Variants in ARHGAP42 observed in about 807,000 individuals in gnomAD.
The protein encoded by ARHGAP42 is Rho GTPase activating protein 42, also known as rho GTPase-activating protein 42.
A neutral mutation model predicts 125.0 loss-of-function variants in ARHGAP42; 63 were observed. The observed-to-expected ratio is 0.50, with a 90% CI of 0.41 to 0.62. The LOEUF (loss-of-function observed/expected upper bound fraction) is 0.62. Among genes scored for constraint, ARHGAP42 ranks in the 20% least tolerant of loss-of-function variants. The probability of loss-of-function intolerance (pLI) is 0.00; values close to 1 mark genes in which losing one functional copy is unlikely to be tolerated. For synonymous variants in ARHGAP42, 339 were observed against 351.0 expected (o/e 0.97, Z 0.38); for missense variants, 766 against 1,024.2 (o/e 0.75, Z 3.44).
chr11:100,803,085 G>A (rs1863899980), intron 3 of ARHGAP42, among the ~76,000 whole-genome samples: 1 of 152,106 alleles, frequency 6.6e-6, no homozygotes, highest in Non-Finnish European at 1.5e-5. Context: ...TAATGGAGCT[G>A]GTGGGGGATG....
At chr11:100,847,847 A>G (rs1410434938) in intron 3 of ARHGAP42, among the ~76,000 whole-genome samples, 1 of 152,110 alleles carries the variant, frequency 6.6e-6, no homozygotes, top group Non-Finnish European at 1.5e-5. Flanking sequence ...CAGTTTATAG[A>G]TAAGAAGCTT....
At chr11:100,731,233 A>G (rs935737427) in intron 1 of ARHGAP42, among the ~76,000 whole-genome samples, 5 of 151,690 alleles carry the variant, frequency 3.3e-5, no homozygotes, top group African/African-American at 1.2e-4. Context: ...ATCTTGGCTC[A>G]CTGCAACCTC....
chr11:100,826,716 C>T (rs916089957), intron 3 of ARHGAP42, among the ~76,000 whole-genome samples: 3 of 152,082 alleles, frequency 2.0e-5, no homozygotes, highest in Admixed American at 6.6e-5. Flanking sequence ...TTTGGGGACT[C>T]CTCAGGGACT....
chr11:100,787,665 G>A lies in ARHGAP42; in HGVS notation c.251-7440G>A, dbSNP rs150179155. ...AAAGTATAGCACAGATTGGTGCCTG[G>A]GTACCTGTGCAATATCAAGAACCCA... On this transcript the variant is annotated intron_variant, in intron 2 of 23. Coordinates refer to ENST00000298815, the MANE Select transcript of ARHGAP42 (RefSeq NM_152432.4). Among the ~76,000 whole-genome samples, 455 of 152,244 alleles carry A rather than the reference G, an allele frequency of 3.0e-3. 1 individual carries two copies. Among genetic ancestry groups the A allele is most frequent in the African/African-American group, 9.9e-3 (410 of 41,518 alleles).
At chr11:100,766,464 C>G (rs1006781043) in intron 1 of ARHGAP42, among the ~76,000 whole-genome samples, 1 of 152,154 alleles carries the variant, frequency 6.6e-6, no homozygotes, top group Non-Finnish European at 1.5e-5. Context: ...CAAGGCCTTT[C>G]TATTATGATA....
In ARHGAP42 at chr11:100,976,911, T is replaced by C. The variant is rs763686058; in HGVS notation, c.2333T>C (p.Met778Thr). The change falls in exon 21 of 24, where the codon ATG (methionine) becomes ACG (threonine). Residue 778 changes from methionine (M) to threonine (T), a missense_variant. By Grantham distance (81) the Met-to-Thr change is moderately conservative. Coordinates refer to ENST00000298815, the MANE Select transcript of ARHGAP42 (RefSeq NM_152432.4). The stretch of plus-strand genomic sequence containing the variant: ...CCAAACCCAGACCTGCCTCCGAAAA[T>C]GTGCAGGAGATTAAGACTAGACACT... ...ASPNPDLPPK[M>T]CRRLRLDTAS... 1.0e-5 allele frequency: 16 copies of C among 1,551,336 alleles called. No homozygotes were observed. The South Asian group carries it at 1.8e-4, about 17-fold the overall frequency.
At chr11:100,732,733 C>T (rs562258307) in intron 1 of ARHGAP42, among the ~76,000 whole-genome samples, 26 of 152,318 alleles carry the variant, frequency 1.7e-4, no homozygotes, top group African/African-American at 6.3e-4. Context: ...TAGTGAGTGA[C>T]TGGCTTATGT....
chr11:100,851,524 A>G (rs909973454), intron 3 of ARHGAP42, among the ~76,000 whole-genome samples: 3 of 152,198 alleles, frequency 2.0e-5, no homozygotes, highest in African/African-American at 4.8e-5. Flanking sequence ...AGTATGGCAC[A>G]TAGAATTGTG....
At chr11:100,814,593 T>A (rs1261717596) in intron 3 of ARHGAP42, among the ~76,000 whole-genome samples, 1 of 152,152 alleles carries the variant, frequency 6.6e-6, no homozygotes, top group East Asian at 1.9e-4. Context: ...CTTCTGCTTC[T>A]GGGGAGTCCT....
At chr11:100,841,243 A>G (rs1215154128) in intron 3 of ARHGAP42, among the ~76,000 whole-genome samples, 2 of 152,170 alleles carry the variant, frequency 1.3e-5, no homozygotes, top group African/African-American at 4.8e-5. Context: ...GTAGAATCAT[A>G]GATAAAAGCT....
chr11:100,722,424 G>A (rs1021012785), intron 1 of ARHGAP42, among the ~76,000 whole-genome samples: 8 of 143,356 alleles, frequency 5.6e-5, no homozygotes, highest in Middle Eastern at 3.6e-3. Flanking sequence ...ACAGAGTCTC[G>A]CTCTGTTGCC....
chr11:100,854,950 C>T (rs933999628), intron 3 of ARHGAP42, among the ~76,000 whole-genome samples: 13 of 152,120 alleles, frequency 8.5e-5, no homozygotes, highest in Admixed American at 1.3e-4. Context: ...ACGTCGAAGA[C>T]GGTGTAGATA....
At chr11:100,942,465 A>G (rs1268296684) in intron 9 of ARHGAP42, among the ~76,000 whole-genome samples, 2 of 152,286 alleles carry the variant, frequency 1.3e-5, no homozygotes, top group Middle Eastern at 3.4e-3. Context: ...TGCTGCAGAG[A>G]GCTTTATTGT....
chr11:100,746,462 C>T (rs1039892657), intron 1 of ARHGAP42, among the ~76,000 whole-genome samples: 55 of 152,334 alleles, frequency 3.6e-4, no homozygotes, highest in African/African-American at 1.3e-3. Context: ...ATCTGGGCCT[C>T]CGGCCCACCG....
chr11:100,767,723 C>A (rs1251611710), intron 1 of ARHGAP42, among the ~76,000 whole-genome samples: 1 of 151,990 alleles, frequency 6.6e-6, no homozygotes, highest in Non-Finnish European at 1.5e-5. Flanking sequence ...CCCTTGTATC[C>A]CCAGTCTCAA....
chr11:100,704,437 A>G (rs991496350), intron 1 of ARHGAP42, among the ~76,000 whole-genome samples: 1 of 152,248 alleles, frequency 6.6e-6, no homozygotes. Context: ...CTGAACAGGG[A>G]AAGTGCGTGA....
chr11:100,915,076 G>T (rs1389427051), intron 5 of ARHGAP42, among the ~76,000 whole-genome samples: 1 of 152,064 alleles, frequency 6.6e-6, no homozygotes, highest in Non-Finnish European at 1.5e-5. Context: ...ATTAAAAATA[G>T]TATAATTTAA....
intron 4 of ARHGAP42, among the ~76,000 whole-genome samples, chr11:100,882,886 C>T (rs1865994746): frequency 6.6e-6 from 1 of 152,084 alleles, no homozygotes. Context: ...CTAGTTTATA[C>T]ATGTGAAGGT....
chr11:100,891,271 T>A (rs1314865094), intron 4 of ARHGAP42, among the ~76,000 whole-genome samples: 2 of 152,170 alleles, frequency 1.3e-5, no homozygotes, highest in Non-Finnish European at 2.9e-5. Context: ...AATGTCTTTC[T>A]GTCCTTGTCC....
Sources: allele counts gnomAD v4.1 joint callset (sites outside exome capture counted in the v4.1 genomes callset), GRCh38; gene constraint gnomAD v4.1.1; transcripts MANE v1.5; gene names NCBI Gene and HGNC (gene_info 2026-07-23, HGNC 2026-07-21).